USH2A: variants seen among roughly 807,000 people sequenced by gnomAD.
USH2A encodes the protein Usher syndrome 2A (autosomal recessive, mild).
Under a neutral mutation model 538.9 loss-of-function variants are expected in USH2A, and 443 were observed. The observed-to-expected ratio is 0.82, with a 90% confidence interval of 0.76 to 0.89. The LOEUF is 0.89. Among genes scored for constraint, USH2A ranks in the 40% least tolerant of loss-of-function variants. The probability of loss-of-function intolerance (pLI) is 0.00; values close to 1 mark genes in which losing one functional copy is unlikely to be tolerated. For synonymous variants in USH2A, 2,413 were observed against 2,273.5 expected (o/e 1.06, Z -1.75); for missense variants, 6,633 against 6,324.8 (o/e 1.05, Z -1.65).
At chr1:216,165,934 T>C (rs1478728100) in intron 21 of USH2A, among the ~76,000 whole-genome samples, 2 of 151,734 alleles carry the variant, frequency 1.3e-5, no homozygotes, top group Non-Finnish European at 2.9e-5. Flanking sequence ...CTGTACCCAA[T>C]GTGTAGTTTT....
chr1:215,903,113 A>G (rs1374446806), intron 38 of USH2A, among the ~76,000 whole-genome samples: 1 of 152,066 alleles, frequency 6.6e-6, no homozygotes, highest in East Asian at 1.9e-4. Flanking sequence ...GAAGGTGCAG[A>G]CTGGAAGCCG....
At chr1:215,801,265 T>A (rs928509623) in intron 49 of USH2A, among the ~76,000 whole-genome samples, 6 of 151,878 alleles carry the variant, frequency 4.0e-5, no homozygotes, top group Admixed American at 2.0e-4. Flanking sequence ...GTATTCTACA[T>A]AATATTGGAT....
At chr1:215,882,179 G>A (rs1312105793) in intron 41 of USH2A, among the ~76,000 whole-genome samples, 1 of 152,184 alleles carries the variant, frequency 6.6e-6, no homozygotes, top group Non-Finnish European at 1.5e-5. Flanking sequence ...GTGGCTTTAG[G>A]CAAAACATTT....
intron 14 of USH2A, among the ~76,000 whole-genome samples, chr1:216,222,728 C>T (rs2102504900): frequency 6.6e-6 from 1 of 152,280 alleles, no homozygotes; most frequent in African/African-American, 2.4e-5. Flanking sequence ...CCTGTAATCC[C>T]AGCACTTTGG....
intron 18 of USH2A, among the ~76,000 whole-genome samples, chr1:216,197,535 C>A (rs1357258710): frequency 2.0e-5 from 3 of 152,060 alleles, no homozygotes; most frequent in Non-Finnish European, 2.9e-5. Context: ...AAGCACAATG[C>A]GTATTTTATT....
In USH2A at chr1:216,062,027, G is replaced by C. The variant is rs567651033; in HGVS notation, c.6049+8074C>G. Among the ~76,000 whole-genome samples the C allele has an allele frequency of 2.6e-5, 4 of 152,298 alleles. No individual in the cohort carries two copies. In the South Asian group the frequency reaches 8.3e-4, roughly 32 times the overall value. On this transcript the variant is annotated intron_variant, in intron 30 of 71. Transcript: ENST00000307340. ...TTTAATTTTCCCATGCAAACACCCA[G>C]TCAGAAGGTTATATTAGAGATGAGC... is the stretch of plus-strand genomic sequence containing the variant.
intron 61 of USH2A, among the ~76,000 whole-genome samples, chr1:215,721,276 C>T (rs1236865933): frequency 2.6e-5 from 4 of 152,088 alleles, no homozygotes; most frequent in Admixed American, 6.6e-5. Flanking sequence ...GATTTCACCA[C>T]GTTGGCCAGG....
At chr1:216,139,218 A>G (rs2033549428) in intron 21 of USH2A, among the ~76,000 whole-genome samples, 1 of 152,080 alleles carries the variant, frequency 6.6e-6, no homozygotes, top group Admixed American at 6.5e-5. Context: ...CATCTTCCAC[A>G]TTCTGTCCAT....
chr1:215,666,189 G>A (rs1266938124), intron 64 of USH2A, among the ~76,000 whole-genome samples: 1 of 152,112 alleles, frequency 6.6e-6, no homozygotes, highest in Non-Finnish European at 1.5e-5. Context: ...TGTTTTAAAT[G>A]ATGGTGAACT....
In USH2A at chr1:216,418,680, C is replaced by G. The variant is rs876657730; in HGVS notation, c.486-1G>C. On this transcript the variant is annotated splice_acceptor_variant, in intron 2 of 71. Transcript: ENST00000307340. LOFTEE classifies it high-confidence loss of function. The stretch of plus-strand genomic sequence containing the variant: ...ATCTACTGTCTTTTCTATAACACAC[C>G]TTAGGAAGCAACCGGAAAAGAGAGA... 4 of 1,612,794 alleles carry G rather than the reference C, an allele frequency of 2.5e-6. No individual in the cohort carries two copies. In the Middle Eastern group the frequency reaches 5.0e-4, roughly 200 times the overall value.
At chr1:215,944,823 T>C (rs1424320819) in intron 37 of USH2A, among the ~76,000 whole-genome samples, 1 of 152,124 alleles carries the variant, frequency 6.6e-6, no homozygotes, top group East Asian at 1.9e-4. Context: ...AAAAAATCAG[T>C]GGTAGGTAAT....
chr1:216,268,812 A>T (rs1295529736), intron 11 of USH2A, among the ~76,000 whole-genome samples: 2 of 152,018 alleles, frequency 1.3e-5, no homozygotes, highest in African/African-American at 4.8e-5. Context: ...TTCAGGTCTC[A>T]AGTGAAATGC....
At chr1:215,900,000 C>T in intron 40 of USH2A, 75 bp downstream of exon 40, 1 of 1,607,102 alleles carries the variant, frequency 6.2e-7, no homozygotes, top group African/African-American at 1.3e-5. Context: ...CATTTCTTTG[C>T]TTTGGAAAAA....
chr1:216,069,334 T>C (rs1202242950), intron 30 of USH2A, among the ~76,000 whole-genome samples: 2 of 152,190 alleles, frequency 1.3e-5, no homozygotes, highest in Non-Finnish European at 2.9e-5. Context: ...CTTGAGGGAA[T>C]TGACCAACAG....
At chr1:216,232,233 C>T in intron 13 of USH2A, 97 bp from the exon 14 acceptor site, 1 of 1,325,246 alleles carries the variant, frequency 7.5e-7, no homozygotes, top group Non-Finnish European at 1.0e-6. Flanking sequence ...GAATACTCTA[C>T]CAAGGCACTA....
intron 11 of USH2A, among the ~76,000 whole-genome samples, chr1:216,272,122 GC>G (rs1318691291): frequency 2.0e-5 from 3 of 152,058 alleles, no homozygotes; most frequent in Admixed American, 6.6e-5. Flanking sequence ...CATTAGTGAA[GC>G]CATTTGGGAC....
chr1:215,842,066 G>A (rs1025103193), intron 46 of USH2A, among the ~76,000 whole-genome samples: 2 of 152,192 alleles, frequency 1.3e-5, no homozygotes. Context: ...GCTCACACCT[G>A]TAATCCCAGC....
At chr1:215,628,691 C>T (rs1656146702) in intron 71 of USH2A, 123 bp downstream of exon 71, 1 of 982,104 alleles carries the variant, frequency 1.0e-6, no homozygotes, top group East Asian at 2.4e-5. Context: ...TTGTTACTAC[C>T]TCACTGGCTA....
At chr1:215,914,566 T>G (rs1258492072) in intron 38 of USH2A, among the ~76,000 whole-genome samples, 1 of 152,090 alleles carries the variant, frequency 6.6e-6, no homozygotes, top group Non-Finnish European at 1.5e-5. Context: ...ACATTTAAAT[T>G]TATTGTCCTA....
Sources: allele counts gnomAD v4.1 joint callset (sites outside exome capture counted in the v4.1 genomes callset), GRCh38; gene constraint gnomAD v4.1.1; transcripts MANE v1.5; gene names NCBI Gene and HGNC (gene_info 2026-07-23, HGNC 2026-07-21).